GABBR2: variants seen among roughly 807,000 people sequenced by gnomAD.
The protein encoded by GABBR2 is gamma-aminobutyric acid type B receptor subunit 2, also known as G-protein coupled receptor 51.
Under a neutral mutation model 105.6 loss-of-function variants are expected in GABBR2, and 23 were observed. The observed-to-expected ratio is 0.22, with a 90% CI of 0.16 to 0.31. The LOEUF is 0.31. Among genes scored for constraint, GABBR2 ranks in the 10% least tolerant of loss-of-function variants. The pLI, the probability that GABBR2 is intolerant of heterozygous loss-of-function variation, is 1.00. For missense variants in GABBR2, 734 were observed against 1,245.5 expected (o/e 0.59, Z 6.18); for synonymous variants, 478 against 499.7 (o/e 0.96, Z 0.58).
At chr9:98,372,629 TTTGC>T (rs1831804793) in intron 11 of GABBR2, among the ~76,000 whole-genome samples, 1 of 152,138 alleles carries the variant, frequency 6.6e-6, no homozygotes, top group African/African-American at 2.4e-5. Context: ...GCACAGTAGC[TTTGC>T]TTGGCTTCCC....
At chr9:98,373,084 T>G (rs1831813385) in intron 11 of GABBR2, among the ~76,000 whole-genome samples, 2 of 152,108 alleles carry the variant, frequency 1.3e-5, no homozygotes, top group Admixed American at 6.5e-5. Context: ...TAAAAGGATG[T>G]GAGAAAAATA....
intron 7 of GABBR2, among the ~76,000 whole-genome samples, chr9:98,449,324 AG>A (rs1317658088): frequency 2.0e-5 from 3 of 152,188 alleles, no homozygotes; most frequent in African/African-American, 2.4e-5. Context: ...CTATTGAATG[AG>A]GGGCTCTTGG....
chr9:98,371,853 G>T (rs539048680), intron 11 of GABBR2, among the ~76,000 whole-genome samples: 4 of 151,410 alleles, frequency 2.6e-5, no homozygotes, highest in Non-Finnish European at 4.4e-5. Context: ...AGCCACAGAG[G>T]GCCCCCAGGA....
At chr9:98,370,577 T>A (rs1588126274) in intron 12 of GABBR2, among the ~76,000 whole-genome samples, 1 of 152,144 alleles carries the variant, frequency 6.6e-6, no homozygotes, top group Admixed American at 6.5e-5. Flanking sequence ...CCAAGGCAGG[T>A]GGCCGGCCTG....
chr9:98,375,933 G>C (rs1316344052), intron 11 of GABBR2, among the ~76,000 whole-genome samples: 2 of 152,182 alleles, frequency 1.3e-5, no homozygotes, highest in African/African-American at 2.4e-5. Context: ...AGTCTCTACT[G>C]GTTCGTCAAC....
intron 5 of GABBR2, 104 bp downstream of exon 5, chr9:98,480,828 C>T: frequency 1.3e-6 from 1 of 752,448 alleles, no homozygotes; most frequent in Non-Finnish European, 2.4e-6. Context: ...ACCCAGGCTC[C>T]AGTCCTGTGA....
chr9:98,601,504 G>A (rs1433203133), intron 1 of GABBR2, among the ~76,000 whole-genome samples: 1 of 152,190 alleles, frequency 6.6e-6, no homozygotes, highest in Non-Finnish European at 1.5e-5. Flanking sequence ...AGGATGAAGC[G>A]AGACCCTGTC....
At position 98,332,761 on chromosome 9, in the gene GABBR2, AAG is replaced by A. The variant is rs1564020757; in HGVS notation, c.1894-21558_1894-21557del. 2.6e-5 allele frequency among the ~76,000 whole-genome samples: 4 copies of A among 152,268 alleles called. No individual in the cohort carries two copies. In the South Asian group the frequency reaches 8.3e-4, roughly 31 times the overall value. ...TGCTGTAAGACGCAGATAAGAAAGA[AAG>A]AGCCTGAACAGACACAGGAAAATCC... On this transcript the variant is annotated intron_variant, in intron 13 of 18. Transcript: ENST00000259455.
intron 12 of GABBR2, among the ~76,000 whole-genome samples, chr9:98,363,700 A>G (rs2131447211): frequency 6.6e-6 from 1 of 152,294 alleles, no homozygotes; most frequent in Admixed American, 6.5e-5. Context: ...TAAAAGTCTG[A>G]TGAATTGAAT....
intron 3 of GABBR2, among the ~76,000 whole-genome samples, chr9:98,524,847 C>A (rs1334017983): frequency 1.3e-5 from 2 of 151,994 alleles, no homozygotes; most frequent in African/African-American, 4.8e-5. Context: ...CTCCAGTAGT[C>A]CAGAAAGAAA....
At chr9:98,539,925 A>G (rs1588219052) in intron 3 of GABBR2, among the ~76,000 whole-genome samples, 1 of 151,884 alleles carries the variant, frequency 6.6e-6, no homozygotes, top group African/African-American at 2.4e-5. Context: ...AAAAAAAAAA[A>G]AAAAAAAGAA....
intron 1 of GABBR2, among the ~76,000 whole-genome samples, chr9:98,680,695 C>A (rs1303612546): frequency 6.6e-6 from 1 of 152,092 alleles, no homozygotes; most frequent in African/African-American, 2.4e-5. Context: ...ACAATCCTTG[C>A]AAAGAGAAGG....
At chr9:98,409,830 T>G (rs940994053) in intron 7 of GABBR2, among the ~76,000 whole-genome samples, 14 of 152,222 alleles carry the variant, frequency 9.2e-5, no homozygotes, top group African/African-American at 3.4e-4. Flanking sequence ...CCAGCGCTAC[T>G]TGGCTTCCTC....
At chr9:98,490,146 G>A (rs542754848) in intron 4 of GABBR2, among the ~76,000 whole-genome samples, 1 of 152,288 alleles carries the variant, frequency 6.6e-6, no homozygotes, top group East Asian at 1.9e-4. Flanking sequence ...TTCTGGAAGT[G>A]GATAATGGGA....
Position 98,406,107 on chromosome 9 carries a change from C to T in GABBR2, c.1271G>A (p.Gly424Glu). 6.3e-7 allele frequency: 1 copy of T among 1,578,512 alleles called. No homozygotes were observed. Among genetic ancestry groups the T allele is most frequent in the Non-Finnish European group, 8.6e-7 (1 of 1,156,158 alleles). ...TTGAAATTGAGTAAATTTAATGGTC[C>T]CCATTCTCTCCCCATTCCGGAATAC... ...QVVFRNGERM[G>E]TIKFTQFQDS... Residue 424 changes from glycine (G) to glutamate (E), a missense_variant, in exon 8 of 19, where the codon GGG becomes GAG. By Grantham distance (98) the Gly-to-Glu change is moderately conservative. Coordinates refer to ENST00000259455, the MANE Select transcript of GABBR2 (RefSeq NM_005458.8).
chr9:98,593,827 A>G lies in GABBR2; in HGVS notation c.322-15755T>C, dbSNP rs114842304. On this transcript the variant is annotated intron_variant, in intron 1 of 18. Transcript: ENST00000259455. Reference sequence around the variant, plus strand: ...GGCCACACTCATTCCTCAGGTGCCCATGCTCCCTCTGCAGCGACTCAGCTG... The same window carrying G: ...GGCCACACTCATTCCTCAGGTGCCCGTGCTCCCTCTGCAGCGACTCAGCTG... Among the ~76,000 whole-genome samples, 515 of 152,218 alleles carry G rather than the reference A, an allele frequency of 3.4e-3. 3 individuals carry two copies. The highest frequency in any genetic ancestry group is 0.012 in the African/African-American group (479 of 41,526).
At chr9:98,587,138 C>T (rs987343831) in intron 1 of GABBR2, among the ~76,000 whole-genome samples, 3 of 152,142 alleles carry the variant, frequency 2.0e-5, no homozygotes, top group African/African-American at 7.2e-5. Context: ...TTGTATGTTC[C>T]TGATTACTAA....
chr9:98,534,529 C>T (rs1828131787), intron 3 of GABBR2, among the ~76,000 whole-genome samples: 1 of 152,136 alleles, frequency 6.6e-6, no homozygotes, highest in South Asian at 2.1e-4. Context: ...TTTAAGTATC[C>T]TAACACATTG....
chr9:98,614,538 T>A (rs541637469), intron 1 of GABBR2, among the ~76,000 whole-genome samples: 135 of 152,082 alleles, frequency 8.9e-4, no homozygotes, highest in Non-Finnish European at 1.2e-3. Context: ...AAAAATAAAT[T>A]AATTAATTAA....
Sources: allele counts gnomAD v4.1 joint callset (sites outside exome capture counted in the v4.1 genomes callset), GRCh38; gene constraint gnomAD v4.1.1; transcripts MANE v1.5; gene names NCBI Gene and HGNC (gene_info 2026-07-23, HGNC 2026-07-21).